Variants in ANKRD44 observed in about 807,000 individuals in gnomAD.
ANKRD44 encodes ankyrin repeat domain 44.
Under a neutral mutation model 116.0 loss-of-function variants are expected in ANKRD44, and 35 were observed. That is an observed-to-expected ratio of 0.30 (90% confidence interval 0.23 to 0.40). The LOEUF is 0.40. Among genes scored for constraint, ANKRD44 ranks in the 10% least tolerant of loss-of-function variants. ANKRD44 has a pLI of 1.00. For synonymous variants in ANKRD44, 435 were observed against 461.8 expected (o/e 0.94, Z 0.74); for missense variants, 1,014 against 1,242.6 (o/e 0.82, Z 2.77).
Position 197,003,834 on chromosome 2 carries a change from TA to T in ANKRD44, c.2347+1859del, listed in dbSNP as rs564169386. Among the ~76,000 whole-genome samples the T allele has an allele frequency of 8.9e-4, 130 of 146,488 alleles. 1 individual carries two copies. Among genetic ancestry groups the T allele is most frequent in the Admixed American group, 4.1e-3 (61 of 14,732 alleles). On this transcript the variant is annotated intron_variant, in intron 21 of 27. Transcript: ENST00000282272. ...AGATGGGGGTCACCCATTAGTAGGT[TA>T]AAAAAAAAAATCACAATCCTCCAAT...
chr2:197,068,415 A>AT (rs1167208811), intron 16 of ANKRD44, among the ~76,000 whole-genome samples: 8 of 149,678 alleles, frequency 5.3e-5, no homozygotes, highest in East Asian at 3.9e-4. Flanking sequence ...AAAATAAAAA[A>AT]AAATAAAACA....
chr2:197,224,239 AC>A (rs1322889683), intron 1 of ANKRD44, among the ~76,000 whole-genome samples: 1 of 152,224 alleles, frequency 6.6e-6, no homozygotes. Flanking sequence ...GTTTGAAGAC[AC>A]TCAGATTAAA....
intron 2 of ANKRD44, among the ~76,000 whole-genome samples, chr2:197,158,984 A>AACACACACACACACAC (rs5837527): frequency 6.7e-6 from 1 of 148,370 alleles, no homozygotes; most frequent in African/African-American, 2.5e-5. Flanking sequence ...AGAGCAAACA[A>AACACACACACACACAC]ACACACACAC....
At chr2:197,148,037 T>C (rs1212071145) in intron 2 of ANKRD44, 3 of 295,612 alleles carry the variant, frequency 1.0e-5, no homozygotes, top group South Asian at 5.5e-5. Context: ...AAAGGCAGCA[T>C]GGTAACATGC....
At chr2:197,014,998 T>G in intron 17 of ANKRD44, 1 of 195,596 alleles carries the variant, frequency 5.1e-6, no homozygotes, top group Non-Finnish European at 1.1e-5. Context: ...CAAGAGCAGT[T>G]GAGAAAATTG....
At chr2:197,003,109 C>T (rs1007478444) in intron 21 of ANKRD44, among the ~76,000 whole-genome samples, 1 of 151,572 alleles carries the variant, frequency 6.6e-6, no homozygotes, top group Non-Finnish European at 1.5e-5. Context: ...GAGTTCAAGA[C>T]CAGCCTGGCC....
At chr2:197,016,867 C>T (rs2076402395) in intron 17 of ANKRD44, among the ~76,000 whole-genome samples, 1 of 151,976 alleles carries the variant, frequency 6.6e-6, no homozygotes, top group Admixed American at 6.6e-5. Context: ...TGAAAAAAGG[C>T]TCAGCACAGA....
intron 1 of ANKRD44, among the ~76,000 whole-genome samples, chr2:197,192,549 T>G (rs2080849202): frequency 6.6e-6 from 1 of 152,204 alleles, no homozygotes; most frequent in African/African-American, 2.4e-5. Context: ...ACAGCAATAA[T>G]CTAGCCATAT....
At chr2:197,118,945 GT>G in intron 8 of ANKRD44, among the ~76,000 whole-genome samples, 1 of 152,188 alleles carries the variant, frequency 6.6e-6, no homozygotes, top group African/African-American at 2.4e-5. Context: ...AGTAATACTA[GT>G]TTTTCACAGG....
chr2:197,131,887 C>G (rs1171131690), intron 4 of ANKRD44, among the ~76,000 whole-genome samples: 5 of 152,194 alleles, frequency 3.3e-5, no homozygotes, highest in Non-Finnish European at 7.3e-5. Flanking sequence ...TCGTTCCTTT[C>G]CCCTACAGTT....
At chr2:197,135,036 C>G (rs1329965263) in intron 4 of ANKRD44, 1 of 152,212 alleles carries the variant, frequency 6.6e-6, no homozygotes, top group East Asian at 1.9e-4. Context: ...ATTGACCTCT[C>G]TCATTCCATG....
intron 1 of ANKRD44, among the ~76,000 whole-genome samples, chr2:197,214,509 GAAGAGT>G (rs917697093): frequency 1.3e-4 from 20 of 152,264 alleles, no homozygotes; most frequent in African/African-American, 4.1e-4. Context: ...ACATAAAGAG[GAAGAGT>G]AAGAGAAAAA....
chr2:197,095,099 C>G (rs2078131198), intron 10 of ANKRD44, among the ~76,000 whole-genome samples: 1 of 152,218 alleles, frequency 6.6e-6, no homozygotes, highest in Non-Finnish European at 1.5e-5. Flanking sequence ...CTCCGAAGTA[C>G]TGGAAATATC....
intron 1 of ANKRD44, among the ~76,000 whole-genome samples, chr2:197,232,324 C>T (rs1002630305): frequency 2.0e-5 from 3 of 152,168 alleles, no homozygotes; most frequent in African/African-American, 7.2e-5. Flanking sequence ...AATAACATGG[C>T]ACCTGAGGAT....
At chr2:197,027,150 C>G (rs757086578) in intron 16 of ANKRD44, among the ~76,000 whole-genome samples, 23 of 151,986 alleles carry the variant, frequency 1.5e-4, no homozygotes, top group Non-Finnish European at 3.1e-4. Flanking sequence ...CACTTGAGCT[C>G]AGGAGTTCAA....
chr2:197,099,786 T>G (rs372823961), intron 10 of ANKRD44, 30 bp downstream of exon 10: 32 of 1,612,882 alleles, frequency 2.0e-5, no homozygotes, highest in Non-Finnish European at 2.6e-5. Context: ...CTTGAGGCAA[T>G]TATTCCACCG....
chr2:197,223,760 G>A (rs1462452089), intron 1 of ANKRD44, among the ~76,000 whole-genome samples: 1 of 152,178 alleles, frequency 6.6e-6, no homozygotes, highest in East Asian at 1.9e-4. Flanking sequence ...CAGGAGCACT[G>A]TATGAGGGAT....
chr2:197,258,051 G>A (rs1005048364), intron 1 of ANKRD44, among the ~76,000 whole-genome samples: 1 of 151,954 alleles, frequency 6.6e-6, no homozygotes, highest in African/African-American at 2.4e-5. Context: ...CTATGTTGCA[G>A]CATGTGTCAG....
intron 16 of ANKRD44, among the ~76,000 whole-genome samples, chr2:197,033,665 G>GT (rs1178910552): frequency 3.1e-3 from 54 of 17,380 alleles, no homozygotes; most frequent in Admixed American, 5.1e-3. Context: ...TGTTGTTGTT[G>GT]CTTTTTTTTT....
Sources: gnomAD v4.1 joint callset for allele counts (sites outside exome capture counted in the v4.1 genomes callset) on GRCh38, gnomAD v4.1.1 for gene constraint, MANE v1.5 for transcripts, NCBI Gene and HGNC (gene_info 2026-07-23, HGNC 2026-07-21) for gene names.